LMBR1: variants seen among roughly 807,000 people sequenced by gnomAD.
The protein encoded by LMBR1 is limb region 1 protein homolog.
LMBR1 carries 52 observed loss-of-function variants against 73.9 expected under a neutral mutation model. That is an observed-to-expected ratio of 0.70 (90% confidence interval 0.56 to 0.89). The LOEUF is 0.89. Ranked by LOEUF, LMBR1 falls within the 40% of genes least tolerant of loss-of-function variation. The pLI, the probability that LMBR1 is intolerant of heterozygous loss-of-function variation, is 0.00. For missense variants in LMBR1, 539 were observed against 579.8 expected (o/e 0.93, Z 0.72); for synonymous variants, 215 against 209.4 (o/e 1.03, Z -0.23).
At chr7:156,846,036 G>T (rs1031714818) in intron 1 of LMBR1, among the ~76,000 whole-genome samples, 1 of 152,022 alleles carries the variant, frequency 6.6e-6, no homozygotes, top group African/African-American at 2.4e-5. Context: ...GCTGAGGCAG[G>T]AAGATCACTT....
Position 156,725,523 on chromosome 7 carries a change from TAG to T in LMBR1, c.1068_1069del (p.Phe356LeufsTer12). 1 of 1,582,994 alleles carries T rather than the reference TAG, an allele frequency of 6.3e-7. No homozygotes were observed. The highest frequency in any genetic ancestry group is 1.1e-5 in the South Asian group (1 of 86,958). On this transcript the variant is annotated frameshift_variant and splice_region_variant, in exon 14 of 17. Coordinates refer to ENST00000353442, the MANE Select transcript of LMBR1 (RefSeq NM_022458.4). LOFTEE classifies it high-confidence loss of function. ...GCCGACAACAGAGGACACCATAAGA[TAG>T]CTGTGAGAATCAAGGAAAAAAACTC...
intron 3 of LMBR1, among the ~76,000 whole-genome samples, chr7:156,832,292 T>C (rs1836830501): frequency 6.6e-6 from 1 of 152,240 alleles, no homozygotes; most frequent in South Asian, 2.1e-4. Context: ...ATTTATTAGC[T>C]GGGAGTTATT....
At chr7:156,772,181 G>C (rs1268084972) in intron 5 of LMBR1, among the ~76,000 whole-genome samples, 1 of 152,142 alleles carries the variant, frequency 6.6e-6, no homozygotes, top group African/African-American at 2.4e-5. Context: ...GGCTGAGGCA[G>C]GAGAATCACT....
At chr7:156,761,976 C>CAAAA (rs552712592) in intron 8 of LMBR1, among the ~76,000 whole-genome samples, 158 bp downstream of exon 8, 8 of 104,198 alleles carry the variant, frequency 7.7e-5, no homozygotes, top group South Asian at 3.1e-4. Context: ...GACTCTGTCT[C>CAAAA]AAAAAAAAAA....
intron 4 of LMBR1, among the ~76,000 whole-genome samples, chr7:156,671,308 G>A (rs1802448160): frequency 2.0e-5 from 3 of 152,182 alleles, no homozygotes; most frequent in African/African-American, 7.2e-5. Context: ...ACTCAGAAGA[G>A]ATGCCTGAAA....
At chr7:156,831,743 A>T (rs1267774090) in intron 3 of LMBR1, among the ~76,000 whole-genome samples, 1 of 152,134 alleles carries the variant, frequency 6.6e-6, no homozygotes, top group Non-Finnish European at 1.5e-5. Flanking sequence ...ACAGCACATC[A>T]CCCTATTGTC....
intron 1 of LMBR1, among the ~76,000 whole-genome samples, chr7:156,864,773 G>GGATC (rs1563567034): frequency 1.3e-5 from 2 of 152,064 alleles, no homozygotes; most frequent in African/African-American, 4.8e-5. Context: ...CGACACGGGT[G>GGATC]GATCACGAGG....
intron 5 of LMBR1, among the ~76,000 whole-genome samples, chr7:156,789,895 G>C (rs546666943): frequency 6.6e-6 from 1 of 150,906 alleles, no homozygotes; most frequent in African/African-American, 2.5e-5. Flanking sequence ...ATGAGTATTG[G>C]AGTAGTATTA....
chr7:156,790,793 TA>T (rs1412620353), intron 5 of LMBR1, among the ~76,000 whole-genome samples: 1 of 152,194 alleles, frequency 6.6e-6, no homozygotes, highest in Non-Finnish European at 1.5e-5. Context: ...TTAAATGAAA[TA>T]AATGTATTTA....
At chr7:156,752,554 G>A (rs1381219144) in intron 9 of LMBR1, among the ~76,000 whole-genome samples, 1 of 152,144 alleles carries the variant, frequency 6.6e-6, no homozygotes, top group Non-Finnish European at 1.5e-5. Context: ...CCACAGCATC[G>A]AAGGAAAAGG....
At chr7:156,799,118 C>T (rs1326243857) in intron 4 of LMBR1, among the ~76,000 whole-genome samples, 1 of 151,610 alleles carries the variant, frequency 6.6e-6, no homozygotes, top group Non-Finnish European at 1.5e-5. Context: ...AGGAGAATTG[C>T]TTGAACCCAG....
At chr7:156,862,255 G>A (rs937392687) in intron 1 of LMBR1, among the ~76,000 whole-genome samples, 2 of 152,114 alleles carry the variant, frequency 1.3e-5, no homozygotes, top group African/African-American at 4.8e-5. Flanking sequence ...GTTTGTGCAG[G>A]GGAACTCTTC....
At position 156,864,433 on chromosome 7, in the gene LMBR1, A is replaced by C. The variant is rs1047738917; in HGVS notation, c.67-27548T>G. Among the ~76,000 whole-genome samples the C allele has an allele frequency of 3.3e-5, 5 of 152,192 alleles. No individual in the cohort carries two copies. In the South Asian group the frequency reaches 1.0e-3, roughly 31 times the overall value. The stretch of plus-strand genomic sequence containing the variant: ...TATATTAATATGTTTCAAACAATAA[A>C]CCTATGATGATATATTTTTAAATTC... On this transcript the variant is annotated intron_variant, in intron 1 of 16. Transcript: ENST00000353442.
chr7:156,853,406 AAAG>A (rs1796519266), intron 1 of LMBR1, among the ~76,000 whole-genome samples: 1 of 152,160 alleles, frequency 6.6e-6, no homozygotes, highest in Non-Finnish European at 1.5e-5. Flanking sequence ...CTTAATGTTA[AAAG>A]AAAAAAAAAA....
At chr7:156,889,535 C>T (rs1208877090) in intron 1 of LMBR1, among the ~76,000 whole-genome samples, 1 of 152,136 alleles carries the variant, frequency 6.6e-6, no homozygotes, top group Non-Finnish European at 1.5e-5. Flanking sequence ...ACTGGGAACC[C>T]TGAGCCTGGT....
At chr7:156,718,257 G>A (rs1395131591) in intron 15 of LMBR1, among the ~76,000 whole-genome samples, 1 of 151,564 alleles carries the variant, frequency 6.6e-6, no homozygotes, top group Non-Finnish European at 1.5e-5. Flanking sequence ...AAAATTAGCT[G>A]GGCATGGTGG....
intron 15 of LMBR1, among the ~76,000 whole-genome samples, chr7:156,720,403 C>G (rs1250913753): frequency 4.6e-5 from 7 of 152,176 alleles, no homozygotes. Context: ...GACCCACAGA[C>G]ATTTTCTCAG....
intron 2 of LMBR1, among the ~76,000 whole-genome samples, chr7:156,835,902 ACATT>A (rs1198296961): frequency 6.6e-6 from 1 of 152,218 alleles, no homozygotes; most frequent in African/African-American, 2.4e-5. Flanking sequence ...GCATTTATAT[ACATT>A]CATTCTTTCT....
intron 5 of LMBR1, among the ~76,000 whole-genome samples, chr7:156,794,799 T>C (rs751415221): frequency 6.6e-6 from 1 of 152,108 alleles, no homozygotes; most frequent in Non-Finnish European, 1.5e-5. Context: ...CAGAGTCAGG[T>C]GCAGGACTGA....
Sources: allele counts gnomAD v4.1 joint callset (sites outside exome capture counted in the v4.1 genomes callset), GRCh38; gene constraint gnomAD v4.1.1; transcripts MANE v1.5; gene names NCBI Gene and HGNC (gene_info 2026-07-23, HGNC 2026-07-21).